PNLIPRP3: variants seen among roughly 807,000 people sequenced by gnomAD.
PNLIPRP3 encodes the protein pancreatic lipase related protein 3, also known as pancreatic lipase-related protein 3.
Under a neutral mutation model 52.8 loss-of-function variants are expected in PNLIPRP3, and 58 were observed. That is an observed-to-expected ratio of 1.10 (90% CI 0.89 to 1.37). The LOEUF (loss-of-function observed/expected upper bound fraction) is 1.37. PNLIPRP3 is among the 40% of genes most tolerant of loss of function. PNLIPRP3 has a pLI of 0.00. For synonymous variants in PNLIPRP3, 192 were observed against 185.0 expected, an observed-to-expected ratio of 1.04 and a Z score of -0.31; for missense variants, 593 against 561.6, an observed-to-expected ratio of 1.06 and a Z score of -0.57.
Position 116,476,586 on chromosome 10 carries a change from G to A in PNLIPRP3, c.1173-66G>A, listed in dbSNP as rs111663029. ...TCTCTTCCATAGTGCATACACAGAT[G>A]TGTTTTCTTTCATTCAGTGCTGTGA... On this transcript the variant is annotated intron_variant, in intron 10 of 11. Coordinates refer to ENST00000369230, the MANE Select transcript of PNLIPRP3 (RefSeq NM_001011709.3). The A allele has an allele frequency of 5.3e-4, 686 of 1,290,510 alleles. 7 individuals carry two copies. The African/African-American group carries it at 9.6e-3, about 18-fold the overall frequency. 79.9% of individuals were successfully genotyped at this position (1,290,510 alleles called of 1,614,324 possible).
intron 1 of PNLIPRP3, among the ~76,000 whole-genome samples, chr10:116,435,445 C>CAAA (rs35013184): frequency 0.089 from 12,510 of 140,934 alleles, 552 homozygotes; most frequent in East Asian, 0.15. Flanking sequence ...ATAAATGAGC[C>CAAA]AAAAAAAAAA....
intron 7 of PNLIPRP3, among the ~76,000 whole-genome samples, chr10:116,465,376 A>G (rs1846262414): frequency 6.6e-6 from 1 of 152,036 alleles, no homozygotes; most frequent in Admixed American, 6.6e-5. Flanking sequence ...CTCTACTAAA[A>G]ACACAAAAAA....
At position 116,427,869 on chromosome 10, in the gene PNLIPRP3, T is replaced by C; in HGVS notation, c.-144T>C. On this transcript the variant is annotated 5_prime_UTR_variant, in exon 1 of 12. Transcript: ENST00000369230. ...TTTATTTACTTTGCAGAGCATAAGG[T>C]GGAATAACATGTTCTTTTAAACGTA... is the stretch of plus-strand genomic sequence containing the variant. 1.5e-6 allele frequency: 1 copy of C among 671,288 alleles called. No homozygotes were observed. The highest frequency in any genetic ancestry group is 2.7e-6 in the Non-Finnish European group (1 of 371,734). 41.6% of individuals were successfully genotyped at this position (671,288 alleles called of 1,614,324 possible). A position where few individuals can be genotyped will look rare whatever the true frequency, so the allele number is the denominator to read the frequency against.
chr10:116,436,559 C>A, intron 1 of PNLIPRP3, 152 bp from the exon 2 acceptor site: 1 of 731,784 alleles, frequency 1.4e-6, no homozygotes. Flanking sequence ...AATGAAAAGG[C>A]AACCCTATAG....
chr10:116,461,736 G>A (rs1375404827), intron 7 of PNLIPRP3, among the ~76,000 whole-genome samples: 1 of 152,178 alleles, frequency 6.6e-6, no homozygotes, highest in South Asian at 2.1e-4. Context: ...GGAATATGAT[G>A]TGTTGGTGAC....
In PNLIPRP3 at chr10:116,461,051, T is replaced by G; in HGVS notation, c.651T>G (p.Ile217Met). 3.7e-6 allele frequency: 6 copies of G among 1,614,234 alleles called. No homozygotes were observed. Among genetic ancestry groups the G allele is most frequent in the Non-Finnish European group, 5.1e-6 (6 of 1,180,034 alleles). ...CGGATGCCAACTTTGTTGACGTTAT[T>G]CATACAAATGCAGCTCGCATCCTCT... is the stretch of plus-strand genomic sequence containing the variant. The part of the protein sequence containing the change: ...DPSDANFVDV[I>M]HTNAARILFE... The change falls in exon 6 of 12, where the codon ATT becomes ATG. Residue 217 changes from isoleucine to methionine, a missense_variant. Ile to Met is a conservative substitution (Grantham distance 10). Transcript: ENST00000369230.
chr10:116,440,285 G>A (rs1243866341), intron 2 of PNLIPRP3, among the ~76,000 whole-genome samples: 1 of 152,110 alleles, frequency 6.6e-6, no homozygotes, highest in Non-Finnish European at 1.5e-5. Flanking sequence ...CAGTAAAACA[G>A]AAGGTGATAA....
chr10:116,431,701 G>A (rs1739348162), intron 1 of PNLIPRP3, among the ~76,000 whole-genome samples: 1 of 152,126 alleles, frequency 6.6e-6, no homozygotes, highest in Non-Finnish European at 1.5e-5. Context: ...AAGCCCAAAA[G>A]CAACTATTTT....
chr10:116,436,791 G>C lies in PNLIPRP3; in HGVS notation c.130G>C (p.Gly44Arg), dbSNP rs1191927816. Residue 44 changes from glycine to arginine, a missense_variant, in exon 2 of 12, where the codon GGT becomes CGT. Physicochemically the swap from Gly to Arg is moderately radical, Grantham distance 125 (BLOSUM62 -2). Transcript: ENST00000369230. ...WTRTFSTELV[G>R]LPWSPEKINT... ...CAGGACTTTCTCAACAGAGTTGGTA[G>C]GTTTACCCTGGTCTCCAGAGAAGAT... 6.2e-7 allele frequency: 1 copy of C among 1,613,736 alleles called. No individual in the cohort carries two copies. The highest frequency in any genetic ancestry group is 1.7e-5 in the Admixed American group (1 of 59,992).
At position 116,427,934 on chromosome 10, in the gene PNLIPRP3, C is replaced by T. The variant is rs975272051; in HGVS notation, c.-79C>T. The T allele has an allele frequency of 1.8e-6, 2 of 1,081,456 alleles. No homozygotes were observed. Among genetic ancestry groups the T allele is most frequent in the Non-Finnish European group, 2.8e-6 (2 of 704,736 alleles). 67.0% of individuals were successfully genotyped at this position (1,081,456 alleles called of 1,614,324 possible). On this transcript the variant is annotated 5_prime_UTR_variant, in exon 1 of 12. Coordinates refer to ENST00000369230, the MANE Select transcript of PNLIPRP3 (RefSeq NM_001011709.3). Reference sequence around the variant, plus strand: ...AGTTGCATCATTGTGAGGAAAACCACTTAGTATTTTATAGTGAGGTGACTT... The same window carrying T: ...AGTTGCATCATTGTGAGGAAAACCATTTAGTATTTTATAGTGAGGTGACTT...
intron 1 of PNLIPRP3, among the ~76,000 whole-genome samples, chr10:116,435,624 C>T (rs946620110): frequency 6.6e-6 from 1 of 152,176 alleles, no homozygotes; most frequent in African/African-American, 2.4e-5. Context: ...ACCATCCTAA[C>T]AAGTGTGGGA....
chr10:116,443,210 G>A (rs1245598293), intron 3 of PNLIPRP3, 36 bp downstream of exon 3: 15 of 1,583,994 alleles, frequency 9.5e-6, no homozygotes, highest in Non-Finnish European at 1.3e-5. Flanking sequence ...ACACTAGCAT[G>A]CGAGCTTTAT....
chr10:116,435,640 T>C (rs551314402), intron 1 of PNLIPRP3, among the ~76,000 whole-genome samples: 1 of 152,182 alleles, frequency 6.6e-6, no homozygotes, highest in African/African-American at 2.4e-5. Flanking sequence ...TGGGATGATA[T>C]CTCATTAAGG....
At chr10:116,468,100 G>T (rs1232975545) in intron 8 of PNLIPRP3, among the ~76,000 whole-genome samples, 2 of 133,870 alleles carry the variant, frequency 1.5e-5, no homozygotes, top group African/African-American at 2.8e-5. Flanking sequence ...ACTCCAGCCT[G>T]GGCAACAGAG....
chr10:116,429,319 C>T (rs559976129), intron 1 of PNLIPRP3, among the ~76,000 whole-genome samples: 2 of 152,246 alleles, frequency 1.3e-5, no homozygotes, highest in East Asian at 1.9e-4. Context: ...TATATGCAAA[C>T]ATTCCAAAAC....
At chr10:116,430,437 A>G (rs1355576824) in intron 1 of PNLIPRP3, among the ~76,000 whole-genome samples, 2 of 152,218 alleles carry the variant, frequency 1.3e-5, no homozygotes, top group Non-Finnish European at 2.9e-5. Flanking sequence ...AAAGTGAGAT[A>G]GTCAGTACGG....
At chr10:116,431,368 T>C (rs923785726) in intron 1 of PNLIPRP3, among the ~76,000 whole-genome samples, 2 of 152,136 alleles carry the variant, frequency 1.3e-5, no homozygotes, top group African/African-American at 4.8e-5. Context: ...TTTAGCCCTC[T>C]GTTACCTCCT....
At chr10:116,453,723 C>T (rs1282198252) in intron 4 of PNLIPRP3, among the ~76,000 whole-genome samples, 1 of 152,108 alleles carries the variant, frequency 6.6e-6, no homozygotes, top group African/African-American at 2.4e-5. Context: ...TACACCAGCT[C>T]CTCCTTTGCC....
intron 7 of PNLIPRP3, among the ~76,000 whole-genome samples, chr10:116,463,523 G>T (rs1846230247): frequency 6.6e-6 from 1 of 152,180 alleles, no homozygotes; most frequent in South Asian, 2.1e-4. Flanking sequence ...TAAGGCCTTA[G>T]AACTTAACCA....
Sources: allele counts gnomAD v4.1 joint callset (sites outside exome capture counted in the v4.1 genomes callset), GRCh38; gene constraint gnomAD v4.1.1; transcripts MANE v1.5; gene names NCBI Gene and HGNC (gene_info 2026-07-23, HGNC 2026-07-21).